SLC8A1: variants seen among roughly 807,000 people sequenced by gnomAD.
SLC8A1 encodes the protein solute carrier family 8 member A1.
In SLC8A1, 18 loss-of-function variants were observed where a neutral mutation model predicts 68.3. That is an observed-to-expected ratio of 0.26 (90% CI 0.18 to 0.39). The LOEUF (loss-of-function observed/expected upper bound fraction) is 0.39. Ranked by LOEUF, SLC8A1 falls within the 10% of genes least tolerant of loss-of-function variation. The probability of loss-of-function intolerance (pLI) is 1.00; values close to 1 mark genes in which losing one functional copy is unlikely to be tolerated. For synonymous variants in SLC8A1, 475 were observed against 415.5 expected, an observed-to-expected ratio of 1.14 and a Z score of -1.74; for missense variants, 985 against 1,156.7, an observed-to-expected ratio of 0.85 and a Z score of 2.15.
intron 2 of SLC8A1, among the ~76,000 whole-genome samples, chr2:40,411,058 C>A (rs991472792): frequency 6.6e-6 from 1 of 151,654 alleles, no homozygotes; most frequent in African/African-American, 2.4e-5. Flanking sequence ...TTGGGGCCAG[C>A]CTAAAGTTGT....
At chr2:40,494,132 C>A (rs557434136) in intron 1 of SLC8A1, among the ~76,000 whole-genome samples, 152 of 151,888 alleles carry the variant, frequency 1.0e-3, no homozygotes, top group African/African-American at 3.4e-3. Flanking sequence ...TAATAATAAT[C>A]ATAATAATAA....
chr2:40,509,758 C>T (rs1706594430), intron 1 of SLC8A1, among the ~76,000 whole-genome samples: 2 of 152,064 alleles, frequency 1.3e-5, no homozygotes. Flanking sequence ...TCATACTTAA[C>T]CACCATGAAT....
intron 2 of SLC8A1, among the ~76,000 whole-genome samples, chr2:40,306,456 G>C (rs1020765528): frequency 6.8e-6 from 1 of 147,768 alleles, no homozygotes. Flanking sequence ...TGGTTGTGGG[G>C]GGGGGCATAG....
At chr2:40,166,032 G>A (rs994756624) in intron 4 of SLC8A1, among the ~76,000 whole-genome samples, 2 of 152,186 alleles carry the variant, frequency 1.3e-5, no homozygotes, top group South Asian at 4.1e-4. Flanking sequence ...CTCATTTCTA[G>A]GACCTCTGGA....
exon 8 of SLC8A1, chr2:40,097,682 C>G (rs2033654792): frequency 6.6e-6 from 1 of 152,008 alleles, no homozygotes; most frequent in African/African-American, 2.4e-5. Flanking sequence ...TGGTTGAAAT[C>G]AGCAGTTGTG....
At chr2:40,508,447 G>C (rs969839871) in intron 1 of SLC8A1, among the ~76,000 whole-genome samples, 3 of 151,444 alleles carry the variant, frequency 2.0e-5, no homozygotes, top group Admixed American at 6.6e-5. Flanking sequence ...TAACTAACAT[G>C]CTCTTTCAAT....
At chr2:40,143,998 T>A (rs2042029776) in intron 6 of SLC8A1, among the ~76,000 whole-genome samples, 1 of 152,182 alleles carries the variant, frequency 6.6e-6, no homozygotes, top group Admixed American at 6.5e-5. Context: ...CTAACTCCCA[T>A]CTCTCAGAGC....
intron 2 of SLC8A1, among the ~76,000 whole-genome samples, chr2:40,238,730 G>A (rs2060792437): frequency 6.6e-6 from 1 of 152,080 alleles, no homozygotes; most frequent in South Asian, 2.1e-4. Flanking sequence ...AGTTAAGTAT[G>A]AGTTTCTATT....
intron 2 of SLC8A1, among the ~76,000 whole-genome samples, chr2:40,340,704 A>G (rs545064795): frequency 1.3e-5 from 2 of 152,324 alleles, no homozygotes; most frequent in South Asian, 4.1e-4. Flanking sequence ...CAGGATTTTC[A>G]GAGTTTAATT....
intron 2 of SLC8A1, among the ~76,000 whole-genome samples, chr2:40,299,122 T>A (rs1302120297): frequency 6.6e-6 from 1 of 152,128 alleles, no homozygotes; most frequent in Admixed American, 6.5e-5. Flanking sequence ...GGATTTGAGG[T>A]TGGCAAGTGT....
chr2:40,406,160 C>T (rs565128664), intron 2 of SLC8A1, among the ~76,000 whole-genome samples: 41 of 152,266 alleles, frequency 2.7e-4, no homozygotes, highest in Non-Finnish European at 4.7e-4. Context: ...ACACAGGCTC[C>T]GCGTTTTAAA....
chr2:40,503,431 C>A (rs1423668028), intron 1 of SLC8A1, among the ~76,000 whole-genome samples: 1 of 151,956 alleles, frequency 6.6e-6, no homozygotes, highest in Non-Finnish European at 1.5e-5. Context: ...ACTTTTTATT[C>A]AACATAGTGC....
At chr2:40,180,330 G>A (rs1335773843) in intron 2 of SLC8A1, among the ~76,000 whole-genome samples, 3 of 152,184 alleles carry the variant, frequency 2.0e-5, no homozygotes, top group Non-Finnish European at 2.9e-5. Flanking sequence ...ACAGGAGGAT[G>A]GATGTAAGGA....
chr2:40,318,425 A>G (rs973310014), intron 2 of SLC8A1, among the ~76,000 whole-genome samples: 1 of 152,036 alleles, frequency 6.6e-6, no homozygotes. Context: ...AATCACTTCA[A>G]TGTACTACAT....
chr2:40,478,479 A>G (rs1275112674), intron 1 of SLC8A1, among the ~76,000 whole-genome samples: 1 of 152,216 alleles, frequency 6.6e-6, no homozygotes, highest in African/African-American at 2.4e-5. Flanking sequence ...TTTAAAAAAT[A>G]ACTATTTAAA....
In SLC8A1 at chr2:40,346,908, C is replaced by T. The variant is rs187632328; in HGVS notation, c.1808+81565G>A. Among the ~76,000 whole-genome samples the T allele has an allele frequency of 5.6e-4, 85 of 152,156 alleles. 1 individual carries two copies. Among genetic ancestry groups the T allele is most frequent in the African/African-American group, 2.0e-3 (85 of 41,510 alleles). On this transcript the variant is annotated intron_variant, in intron 2 of 7. Transcript: ENST00000406785. ...CTTAGTTTCAGTCTGACTTTTACTCCCCTGGGTAATCAGCCCACACACAAG... is the reference window on the plus strand; with the variant it reads ...CTTAGTTTCAGTCTGACTTTTACTCTCCTGGGTAATCAGCCCACACACAAG...
chr2:40,351,464 T>A (rs1239329536), intron 2 of SLC8A1, among the ~76,000 whole-genome samples: 1 of 151,934 alleles, frequency 6.6e-6, no homozygotes, highest in Non-Finnish European at 1.5e-5. Context: ...TACTACTTTT[T>A]CCACAGAGAC....
At chr2:40,194,365 G>T (rs1256759998) in intron 2 of SLC8A1, among the ~76,000 whole-genome samples, 1 of 151,764 alleles carries the variant, frequency 6.6e-6, no homozygotes, top group Non-Finnish European at 1.5e-5. Flanking sequence ...TTACAACCAA[G>T]ATGATATAAT....
intron 2 of SLC8A1, among the ~76,000 whole-genome samples, chr2:40,258,949 T>C (rs977250877): frequency 1.3e-5 from 2 of 150,850 alleles, no homozygotes; most frequent in African/African-American, 4.9e-5. Flanking sequence ...AAAAAGGAAA[T>C]ACTTTTCTCA....
Sources: allele counts gnomAD v4.1 joint callset (sites outside exome capture counted in the v4.1 genomes callset), GRCh38; gene constraint gnomAD v4.1.1; transcripts MANE v1.5; gene names NCBI Gene and HGNC (gene_info 2026-07-23, HGNC 2026-07-21).